The following CD2AP variants were observed in gnomAD, a reference collection of about 807,000 sequenced individuals.
The protein encoded by CD2AP is CD2-associated protein.
CD2AP carries 46 observed loss-of-function variants against 85.1 expected under a neutral mutation model. The observed-to-expected ratio is 0.54, with a 90% CI of 0.43 to 0.69. CD2AP has a LOEUF of 0.69. Ranked by LOEUF, CD2AP falls within the 30% of genes least tolerant of loss-of-function variation. The pLI is 0.00. For synonymous variants in CD2AP, 255 were observed against 252.9 expected, an observed-to-expected ratio of 1.01 and a Z score of -0.08; for missense variants, 769 against 729.5, an observed-to-expected ratio of 1.05 and a Z score of -0.62.
At chr6:47,539,121 C>T (rs1443496567) in intron 3 of CD2AP, among the ~76,000 whole-genome samples, 4 of 151,964 alleles carry the variant, frequency 2.6e-5, no homozygotes, top group South Asian at 4.2e-4. Flanking sequence ...CTAGCAGGGG[C>T]GAACATCAAG....
At chr6:47,503,187 C>T in intron 1 of CD2AP, 93 bp from the exon 2 acceptor site, 2 of 1,199,704 alleles carry the variant, frequency 1.7e-6, no homozygotes, top group South Asian at 1.3e-5. Flanking sequence ...AATATTGTTG[C>T]TAAACAGATT....
chr6:47,500,941 G>C (rs1398426604), intron 1 of CD2AP, among the ~76,000 whole-genome samples: 1 of 152,106 alleles, frequency 6.6e-6, no homozygotes, highest in Admixed American at 6.5e-5. Flanking sequence ...TAGAGATGGG[G>C]TTTCACCATG....
chr6:47,533,214 G>C (rs377096892), intron 2 of CD2AP, among the ~76,000 whole-genome samples: 41 of 152,270 alleles, frequency 2.7e-4, no homozygotes, highest in African/African-American at 9.9e-4. Flanking sequence ...GAGTGTTGAT[G>C]GTTGCAACAG....
At position 47,478,083 on chromosome 6, in the gene CD2AP, C is replaced by T; in HGVS notation, c.-162C>T. On this transcript the variant is annotated 5_prime_UTR_variant, in exon 1 of 18. Transcript: ENST00000359314. ...CGCGCTGAAGAGACTGGTAGGAGAGCGCCGCGGGCGGATGGAGGCGACTCT... is the reference window on the plus strand; with the variant it reads ...CGCGCTGAAGAGACTGGTAGGAGAGTGCCGCGGGCGGATGGAGGCGACTCT... The T allele has an allele frequency of 2.3e-6, 2 of 886,314 alleles. No individual in the cohort carries two copies. The highest frequency in any genetic ancestry group is 1.6e-5 in the South Asian group (1 of 64,462). 54.9% of individuals were successfully genotyped at this position (886,314 alleles called of 1,614,324 possible).
chr6:47,599,473 T>C (rs746317355), intron 13 of CD2AP, 30 bp downstream of exon 13: 5 of 1,596,920 alleles, frequency 3.1e-6, no homozygotes, highest in Non-Finnish European at 4.3e-6. Context: ...GGTGGTGCAT[T>C]TAAAAAAAAA....
intron 1 of CD2AP, among the ~76,000 whole-genome samples, chr6:47,494,454 G>A (rs1293875303): frequency 6.6e-6 from 1 of 152,246 alleles, no homozygotes; most frequent in East Asian, 1.9e-4. Context: ...TTTTTTAGTG[G>A]ATCGATGTCC....
chr6:47,587,701 A>G (rs1400721946), intron 11 of CD2AP, among the ~76,000 whole-genome samples: 1 of 152,176 alleles, frequency 6.6e-6, no homozygotes, highest in African/African-American at 2.4e-5. Flanking sequence ...TTATTTTGGA[A>G]TGCAAGTAGG....
intron 5 of CD2AP, among the ~76,000 whole-genome samples, chr6:47,556,389 CTT>C (rs35826353): frequency 2.0e-5 from 3 of 149,044 alleles, no homozygotes; most frequent in Non-Finnish European, 4.4e-5. Flanking sequence ...TGAACTCATT[CTT>C]TTTTTTTTTA....
At chr6:47,558,957 C>T (rs980301709) in intron 5 of CD2AP, among the ~76,000 whole-genome samples, 1 of 151,652 alleles carries the variant, frequency 6.6e-6, no homozygotes, top group Non-Finnish European at 1.5e-5. Context: ...TAGAGCTGAG[C>T]TTTTTTTTGG....
At chr6:47,478,369 C>T (rs1206411345) in intron 1 of CD2AP, 121 bp downstream of exon 1, 24 of 1,115,112 alleles carry the variant, frequency 2.2e-5, no homozygotes, top group East Asian at 7.7e-5. Flanking sequence ...GCACCCCACC[C>T]TCTCCATTCT....
chr6:47,599,245 T>TA (rs1582609059), intron 12 of CD2AP, 56 bp from the exon 13 acceptor site: 75 of 1,448,466 alleles, frequency 5.2e-5, no homozygotes, highest in Non-Finnish European at 6.6e-5. Flanking sequence ...AATCACAATT[T>TA]AAAAAAAAGT....
intron 2 of CD2AP, among the ~76,000 whole-genome samples, chr6:47,523,396 A>G (rs1412799426): frequency 6.6e-6 from 1 of 152,154 alleles, no homozygotes; most frequent in African/African-American, 2.4e-5. Context: ...AAGATGTTGT[A>G]TACCTTAAGT....
intron 17 of CD2AP, 114 bp downstream of exon 17, chr6:47,612,650 A>G: frequency 2.7e-6 from 2 of 728,534 alleles, no homozygotes; most frequent in Non-Finnish European, 5.0e-6. Flanking sequence ...CTTCAGTTGG[A>G]CATACACACA....
At chr6:47,530,993 T>C (rs1766860332) in intron 2 of CD2AP, among the ~76,000 whole-genome samples, 1 of 152,058 alleles carries the variant, frequency 6.6e-6, no homozygotes, top group South Asian at 2.1e-4. Flanking sequence ...TGGGCAAAAC[T>C]AGTACCAGCA....
At chr6:47,542,988 TAA>T (rs1327007372) in intron 3 of CD2AP, among the ~76,000 whole-genome samples, 1 of 151,296 alleles carries the variant, frequency 6.6e-6, no homozygotes, top group African/African-American at 2.4e-5. Context: ...CTGCCTCTGC[TAA>T]AAATACAAAA....
At chr6:47,576,679 A>C in intron 7 of CD2AP, 77 bp downstream of exon 7, 4 of 1,072,006 alleles carry the variant, frequency 3.7e-6, no homozygotes, top group Non-Finnish European at 5.8e-6. Flanking sequence ...TGTTGGAAGC[A>C]TTTGTTACAC....
chr6:47,490,285 C>A (rs948506072), intron 1 of CD2AP, among the ~76,000 whole-genome samples: 5 of 152,174 alleles, frequency 3.3e-5, no homozygotes, highest in African/African-American at 1.2e-4. Flanking sequence ...TGCCTGGCCT[C>A]TTAAGAGACT....
intron 5 of CD2AP, among the ~76,000 whole-genome samples, chr6:47,559,647 CATTAAG>C (rs1767798756): frequency 6.6e-6 from 1 of 152,110 alleles, no homozygotes; most frequent in African/African-American, 2.4e-5. Flanking sequence ...TTCTAGAAAT[CATTAAG>C]ATTATTACTA....
At position 47,624,721 on chromosome 6, in the gene CD2AP, G is replaced by GTGTGTGTA. The variant is rs886061525; in HGVS notation, c.*495_*496insGTGTGTAT. On this transcript the variant is annotated 3_prime_UTR_variant, in exon 18 of 18. Transcript: ENST00000359314. ...TGTGTGTGTGTGTGTGTGTGTGTGT[G>GTGTGTGTA]TATATATATATATATATTTTTACTT... 14 of 120,138 alleles carry GTGTGTGTA rather than the reference G, an allele frequency of 1.2e-4. No individual in the cohort carries two copies. Among genetic ancestry groups the GTGTGTGTA allele is most frequent in the African/African-American group, 3.3e-4 (11 of 33,330 alleles). The allele number at this position is 120,138 out of a possible 1,614,324, so 7.4% of individuals were successfully genotyped here. A position where few individuals can be genotyped will look rare whatever the true frequency, so the allele number is the denominator to read the frequency against.
Sources: gnomAD v4.1 joint callset for allele counts (sites outside exome capture counted in the v4.1 genomes callset) on GRCh38, gnomAD v4.1.1 for gene constraint, MANE v1.5 for transcripts, NCBI Gene and HGNC (gene_info 2026-07-23, HGNC 2026-07-21) for gene names.